Variants in TRPS1 observed in about 807,000 individuals in gnomAD.
TRPS1 encodes the protein transcriptional repressor GATA binding 1.
A neutral mutation model predicts 101.2 loss-of-function variants in TRPS1; 6 were observed. The ratio of observed to expected loss-of-function variants is 0.06; its 90% CI spans 0.03 to 0.12. The LOEUF is 0.12. Among genes scored for constraint, TRPS1 ranks in the 10% least tolerant of loss-of-function variants. The pLI is 1.00. For synonymous variants in TRPS1, 578 were observed against 589.8 expected, an observed-to-expected ratio of 0.98 and a Z score of 0.29; for missense variants, 1,363 against 1,567.0, an observed-to-expected ratio of 0.87 and a Z score of 2.20.
At chr8:115,545,684 TTAGA>T (rs1192302564) in intron 5 of TRPS1, among the ~76,000 whole-genome samples, 12 of 152,166 alleles carry the variant, frequency 7.9e-5, no homozygotes, top group Admixed American at 2.0e-4. Flanking sequence ...CATTCATATT[TTAGA>T]TAAAGATCCA....
chr8:115,567,201 A>G (rs1378701680), intron 5 of TRPS1, among the ~76,000 whole-genome samples: 3 of 152,138 alleles, frequency 2.0e-5, no homozygotes, highest in Non-Finnish European at 1.5e-5. Flanking sequence ...ACATGTTGAA[A>G]TAATTGGTCT....
chr8:115,577,623 G>A (rs746918877), intron 5 of TRPS1, among the ~76,000 whole-genome samples: 6 of 151,978 alleles, frequency 3.9e-5, no homozygotes, highest in Admixed American at 6.6e-5. Context: ...TATGTTTGCA[G>A]AAAATTCCCA....
intron 5 of TRPS1, among the ~76,000 whole-genome samples, chr8:115,428,381 C>T (rs1813239302): frequency 6.6e-6 from 1 of 152,126 alleles, no homozygotes; most frequent in Non-Finnish European, 1.5e-5. Context: ...TGCATTTCAT[C>T]ACAGAAGAGT....
At chr8:115,643,197 T>A (rs1818943044) in intron 1 of TRPS1, among the ~76,000 whole-genome samples, 1 of 151,580 alleles carries the variant, frequency 6.6e-6, no homozygotes, top group Non-Finnish European at 1.5e-5. Flanking sequence ...AGGTCTTTGC[T>A]GAAGCTGGGG....
intron 4 of TRPS1, among the ~76,000 whole-genome samples, chr8:115,593,172 A>T (rs1817715409): frequency 6.6e-6 from 1 of 152,120 alleles, no homozygotes; most frequent in African/African-American, 2.4e-5. Context: ...AGTCACATAC[A>T]CCTTCTGAGT....
chr8:115,425,725 C>A (rs1012773909), intron 5 of TRPS1, among the ~76,000 whole-genome samples: 2 of 152,170 alleles, frequency 1.3e-5, no homozygotes, highest in Non-Finnish European at 2.9e-5. Flanking sequence ...TTCTTTACAT[C>A]TCAAGGTTTT....
chr8:115,511,032 T>C (rs2130185542), intron 5 of TRPS1: 1 of 152,040 alleles, frequency 6.6e-6, no homozygotes, highest in Middle Eastern at 3.4e-3. Flanking sequence ...TATCAAACTA[T>C]TTGGTTTTCC....
rs1234915183 is a variant in TRPS1, at chr8:115,577,197, CT to C, written c.2700+9803del. On this transcript the variant is annotated intron_variant, in intron 5 of 6. Coordinates refer to ENST00000395715, the MANE Select transcript of TRPS1 (RefSeq NM_014112.5). ...ATGTCTCAAAAGTCCCACTCTGAGTCTTTTTTTAAAAAAATAGCAAATAATT... is the reference window on the plus strand; with the variant it reads ...ATGTCTCAAAAGTCCCACTCTGAGTCTTTTTTAAAAAAATAGCAAATAATT... Among the ~76,000 whole-genome samples the C allele has an allele frequency of 8.6e-5, 13 of 152,032 alleles. No individual in the cohort carries two copies. The East Asian group carries it at 2.5e-3, about 29-fold the overall frequency.
intron 4 of TRPS1, among the ~76,000 whole-genome samples, chr8:115,593,127 A>AT (rs1181880381): frequency 2.0e-5 from 3 of 152,058 alleles, no homozygotes; most frequent in Non-Finnish European, 4.4e-5. Flanking sequence ...TCCAAGATGA[A>AT]TTTTTTATGA....
chr8:115,621,788 T>C (rs1471036429), intron 2 of TRPS1, among the ~76,000 whole-genome samples: 1 of 151,754 alleles, frequency 6.6e-6, no homozygotes, highest in Admixed American at 6.6e-5. Context: ...TGGTGGTGCA[T>C]GCCTGTAATC....
intron 3 of TRPS1, among the ~76,000 whole-genome samples, chr8:115,616,782 A>G (rs889979176): frequency 1.3e-5 from 2 of 152,198 alleles, no homozygotes; most frequent in Non-Finnish European, 2.9e-5. Context: ...AAACTACATT[A>G]AAGAAATTCT....
chr8:115,432,410 A>G (rs1813343256), intron 5 of TRPS1, among the ~76,000 whole-genome samples: 1 of 151,904 alleles, frequency 6.6e-6, no homozygotes, highest in Non-Finnish European at 1.5e-5. Context: ...TTAAAAGTCC[A>G]CAATTTTATT....
intron 5 of TRPS1, among the ~76,000 whole-genome samples, chr8:115,460,733 C>T (rs563499388): frequency 5.3e-5 from 8 of 152,138 alleles, no homozygotes; most frequent in South Asian, 4.1e-4. Context: ...TTTAATCAAA[C>T]GTCTAAGAAG....
In TRPS1 at chr8:115,411,775, G is replaced by A. The variant is rs558307702; in HGVS notation, c.*2248C>T. Reference sequence around the variant, plus strand: ...AGCAGAGGACTTAGTCCTGATTTCTGTCTCTTGCTTTCTCTTTTCTCTTTT... The same window carrying A: ...AGCAGAGGACTTAGTCCTGATTTCTATCTCTTGCTTTCTCTTTTCTCTTTT... On this transcript the variant is annotated 3_prime_UTR_variant, in exon 7 of 7. Coordinates refer to ENST00000395715, the MANE Select transcript of TRPS1 (RefSeq NM_014112.5). 6.6e-6 allele frequency: 1 copy of A among 152,176 alleles called. No individual in the cohort carries two copies. Among genetic ancestry groups the A allele is most frequent in the Non-Finnish European group, 1.5e-5 (1 of 67,968 alleles). 9.4% of individuals were successfully genotyped at this position (152,176 alleles called of 1,614,324 possible).
At chr8:115,593,879 T>C (rs1209986573) in intron 4 of TRPS1, among the ~76,000 whole-genome samples, 1 of 152,182 alleles carries the variant, frequency 6.6e-6, no homozygotes, top group Non-Finnish European at 1.5e-5. Flanking sequence ...TCAATTTTTT[T>C]AATCACAGAT....
chr8:115,641,955 T>C (rs1273883960), intron 1 of TRPS1, among the ~76,000 whole-genome samples: 2 of 152,276 alleles, frequency 1.3e-5, no homozygotes, highest in East Asian at 1.9e-4. Context: ...AATATATGTG[T>C]AATCCCAGCA....
At chr8:115,668,030 C>T (rs1169091285) in intron 1 of TRPS1, 3 of 771,818 alleles carry the variant, frequency 3.9e-6, no homozygotes, top group South Asian at 3.2e-5. Flanking sequence ...AAAGAGACAG[C>T]GAGGGGGAGT....
rs377528379 is a variant in TRPS1 at position 115,543,129 on chromosome 8, T to C, written c.2700+43872A>G. Among the ~76,000 whole-genome samples the C allele has an allele frequency of 3.7e-4, 56 of 152,242 alleles. 1 individual carries two copies. The South Asian group carries it at 0.012, about 32-fold the overall frequency. ...GTAAAAAAAAAAGACTGAGAATATT[T>C]TCACCACCACTTGAAACACAAAGGG... On this transcript the variant is annotated intron_variant, in intron 5 of 6. Transcript: ENST00000395715.
At chr8:115,552,663 TTAAC>T (rs1816731209) in intron 5 of TRPS1, among the ~76,000 whole-genome samples, 2 of 152,166 alleles carry the variant, frequency 1.3e-5, no homozygotes, top group East Asian at 1.9e-4. Flanking sequence ...CCTTGGTAAC[TTAAC>T]TAAACACAAC....
Sources: allele counts gnomAD v4.1 joint callset (sites outside exome capture counted in the v4.1 genomes callset), GRCh38; gene constraint gnomAD v4.1.1; transcripts MANE v1.5; gene names NCBI Gene and HGNC (gene_info 2026-07-23, HGNC 2026-07-21).